The following PDE6B variants were observed in gnomAD, a reference collection of about 807,000 sequenced individuals.
The protein encoded by PDE6B is rod cGMP-specific 3',5'-cyclic phosphodiesterase subunit beta.
PDE6B carries 106 observed loss-of-function variants against 109.0 expected under a neutral mutation model. The ratio of observed to expected loss-of-function variants is 0.97; its 90% confidence interval spans 0.83 to 1.14. The LOEUF (loss-of-function observed/expected upper bound fraction) is 1.14, where lower values mean the gene tolerates loss of function less well. Among genes scored for constraint, PDE6B ranks in the 50% most tolerant of loss-of-function variants. PDE6B has a pLI of 0.00. For missense variants in PDE6B, 1,193 were observed against 1,155.6 expected (o/e 1.03, Z -0.47); for synonymous variants, 490 against 471.3 (o/e 1.04, Z -0.51).
rs1271929705 is a variant in PDE6B, at chr4:666,659, T to C, written c.2352+45T>C. 7.3e-7 allele frequency: 1 copy of C among 1,369,830 alleles called. No homozygotes were observed. Among genetic ancestry groups the C allele is most frequent in the Non-Finnish European group, 1.0e-6 (1 of 958,006 alleles). The allele number at this position is 1,369,830 out of a possible 1,614,324, so 84.9% of individuals were successfully genotyped here. On this transcript the variant is annotated intron_variant, in intron 20 of 21. Coordinates refer to ENST00000496514, the MANE Select transcript of PDE6B (RefSeq NM_000283.4). This position sits in a 1 kb window ranked among gnomAD's most constrained non-coding sequence, Gnocchi z 5.6. ...TCCGAGCTGACTGGGGCAGGGTGGCTGGGAGCAGGCAAGGGGGCGCGGGCT... is the reference window on the plus strand; with the variant it reads ...TCCGAGCTGACTGGGGCAGGGTGGCCGGGAGCAGGCAAGGGGGCGCGGGCT...
In PDE6B at chr4:626,674, G is replaced by T. The variant is rs760812648; in HGVS notation, c.468+580G>T. Among the ~76,000 whole-genome samples the T allele has an allele frequency of 1.2e-4, 19 of 152,220 alleles. No individual in the cohort carries two copies. Among genetic ancestry groups the T allele is most frequent in the Non-Finnish European group, 2.8e-4 (19 of 68,026 alleles). ...AACCTGGTAGCCACTGAGCACAGGG[G>T]TCCAGGGTGGGACTGGGGAGGGACA... On this transcript the variant is annotated intron_variant, in intron 1 of 21. Transcript: ENST00000496514. The surrounding 1 kb of genome is among the most constrained non-coding windows in gnomAD (Gnocchi z 4.6).
At chr4:630,102 C>T (rs1449867468) in intron 1 of PDE6B, among the ~76,000 whole-genome samples, 1 of 152,122 alleles carries the variant, frequency 6.6e-6, no homozygotes, top group Non-Finnish European at 1.5e-5. Context: ...CCAGAGGGCA[C>T]CAGAGAGGAG....
chr4:631,481 G>C (rs1177785460), intron 1 of PDE6B, among the ~76,000 whole-genome samples: 1 of 152,108 alleles, frequency 6.6e-6, no homozygotes, highest in Non-Finnish European at 1.5e-5. Context: ...GTGGATCCCT[G>C]TGGCGCTGTC....
intron 11 of PDE6B, among the ~76,000 whole-genome samples, chr4:659,639 C>CATGTGTGTGCACATGTGTGCCCACGAGT (rs1736816135): frequency 6.8e-6 from 1 of 147,720 alleles, no homozygotes; most frequent in Admixed American, 6.7e-5. Context: ...CATGTGTACA[C>CATGTGTGTGCACATGTGTGCCCACGAGT]ATGTGTGTGC....
At position 626,808 on chromosome 4, in the gene PDE6B, C is replaced by A. The variant is rs995791902; in HGVS notation, c.468+714C>A. Among the ~76,000 whole-genome samples the A allele has an allele frequency of 6.6e-6, 1 of 152,186 alleles. No homozygotes were observed. Among genetic ancestry groups the A allele is most frequent in the African/African-American group, 2.4e-5 (1 of 41,444 alleles). ...GACGCTTCCCGAGGACAGAGGCGGT[C>A]CTGGCGGGACTGGAGAACAAGAGGG... On this transcript the variant is annotated intron_variant, in intron 1 of 21. Coordinates refer to ENST00000496514, the MANE Select transcript of PDE6B (RefSeq NM_000283.4). The surrounding 1 kb of genome is among the most constrained non-coding windows in gnomAD (Gnocchi z 4.6).
In PDE6B at chr4:670,172, T is replaced by A. The variant is rs1011195490; in HGVS notation, c.*65T>A. On this transcript the variant is annotated 3_prime_UTR_variant, in exon 22 of 22. Coordinates refer to ENST00000496514, the MANE Select transcript of PDE6B (RefSeq NM_000283.4). ...CACCCACTAGGATTTGGGTTCTGCC[T>A]GTGGCTATTTGCTACAAGAGGTTAG... is the stretch of plus-strand genomic sequence containing the variant. 3.7e-6 allele frequency: 6 copies of A among 1,610,734 alleles called. No homozygotes were observed. The African/African-American group carries it at 8.0e-5, about 22-fold the overall frequency.
At chr4:654,953 C>T (rs1029467502) in intron 6 of PDE6B, 65 bp downstream of exon 6, 2 of 950,966 alleles carry the variant, frequency 2.1e-6, no homozygotes, top group Non-Finnish European at 3.5e-6. Context: ...CCCGGCTCAG[C>T]CCCCAGGGCC....
Position 653,279 on chromosome 4 carries a change from A to ACCAAGGAGGCAGAGAAAGGTGGC in PDE6B, c.712-563_712-541dup, listed in dbSNP as rs1248356533. 7 of 1,026,796 alleles carry ACCAAGGAGGCAGAGAAAGGTGGC rather than the reference A, an allele frequency of 6.8e-6. No homozygotes were observed. The African/African-American group carries it at 8.5e-5, about 13-fold the overall frequency. 63.6% of individuals were successfully genotyped at this position (1,026,796 alleles called of 1,614,324 possible). On this transcript the variant is annotated intron_variant, in intron 3 of 21. Coordinates refer to ENST00000496514, the MANE Select transcript of PDE6B (RefSeq NM_000283.4). ...TGGTGGGGCCTGGGTCTGGGCCTTG[A>ACCAAGGAGGCAGAGAAAGGTGGC]CCAAGGAGGCAGAGAAAGGTGGCCC...
chr4:628,392 C>T (rs111680451), intron 1 of PDE6B, among the ~76,000 whole-genome samples: 29 of 152,212 alleles, frequency 1.9e-4, no homozygotes, highest in African/African-American at 5.3e-4. Flanking sequence ...TCAGACGGGG[C>T]GTGGGTGGCC....
intron 8 of PDE6B, among the ~76,000 whole-genome samples, 186 bp downstream of exon 8, chr4:656,478 A>G (rs1046270759): frequency 6.6e-6 from 1 of 151,570 alleles, no homozygotes; most frequent in Non-Finnish European, 1.5e-5. Context: ...CTGTGACCAC[A>G]GCCCCCACAC....
At chr4:659,502 C>CGT (rs546241111) in intron 11 of PDE6B, among the ~76,000 whole-genome samples, 52 of 149,286 alleles carry the variant, frequency 3.5e-4, no homozygotes, top group African/African-American at 1.2e-3. Context: ...CAAGTGTGTA[C>CGT]GTGTGTGTGC....
rs1330937459 is a variant in PDE6B, at chr4:648,161, A to G, written c.712-5691A>G. ...CACCCCAGCCCTAAACCAGGCAACA[A>G]GTGAATTACCAACACCTAGGAAACT... is the stretch of plus-strand genomic sequence containing the variant. On this transcript the variant is annotated intron_variant, in intron 3 of 21. Coordinates refer to ENST00000496514, the MANE Select transcript of PDE6B (RefSeq NM_000283.4). The surrounding 1 kb of genome is among the most constrained non-coding windows in gnomAD (Gnocchi z 4.5). Among the ~76,000 whole-genome samples, 1 of 151,986 alleles carries G rather than the reference A, an allele frequency of 6.6e-6. No homozygotes were observed. The highest frequency in any genetic ancestry group is 2.4e-5 in the African/African-American group (1 of 41,270).
In PDE6B at chr4:663,545, A is replaced by C. The variant is rs1737385433; in HGVS notation, c.1921-225A>C. On this transcript the variant is annotated intron_variant, in intron 15 of 21. Transcript: ENST00000496514. This position sits in a 1 kb window ranked among gnomAD's most constrained non-coding sequence, Gnocchi z 4.0. ...CCCCTCCCTGCGCTCCCCGGTGGTGACCTCTGAGGCCATCTGCGTCCCAAG... is the reference window on the plus strand; with the variant it reads ...CCCCTCCCTGCGCTCCCCGGTGGTGCCCTCTGAGGCCATCTGCGTCCCAAG... 6.6e-6 allele frequency among the ~76,000 whole-genome samples: 1 copy of C among 151,818 alleles called. No individual in the cohort carries two copies. Among genetic ancestry groups the C allele is most frequent in the Non-Finnish European group, 1.5e-5 (1 of 67,924 alleles).
At position 656,280 on chromosome 4, in the gene PDE6B, G is replaced by A. The variant is rs756466841; in HGVS notation, c.1095G>A (p.Met365Ile). 1.9e-6 allele frequency: 3 copies of A among 1,587,856 alleles called. No homozygotes were observed. In the South Asian group the frequency reaches 3.3e-5, roughly 18 times the overall value. Residue 365 changes from methionine (M) to isoleucine (I), a missense_variant, in exon 8 of 22, where the codon ATG (methionine) becomes ATA (isoleucine). Coordinates refer to ENST00000496514, the MANE Select transcript of PDE6B (RefSeq NM_000283.4). ...CNIMNASADE[M>I]FKFQEGALDD... ...TCATGAATGCTTCCGCTGACGAAAT[G>A]TTCAAATTTCAGGTATCTGTCTGTG... is the stretch of plus-strand genomic sequence containing the variant.
chr4:667,236 C>T (rs970745666), intron 20 of PDE6B, among the ~76,000 whole-genome samples: 3 of 152,116 alleles, frequency 2.0e-5, no homozygotes, highest in East Asian at 1.9e-4. Context: ...ATGGAATCCA[C>T]GCCCCAAGGA....
rs1737401634 is a variant in PDE6B at position 663,650 on chromosome 4, C to T, written c.1921-120C>T. The T allele has an allele frequency of 1.3e-6, 1 of 749,848 alleles. No individual in the cohort carries two copies. The allele number at this position is 749,848 out of a possible 1,614,324, so 46.4% of individuals were successfully genotyped here. A position where few individuals can be genotyped will look rare whatever the true frequency, so the allele number is the denominator to read the frequency against. ...GCAGGCGGATTAGGGGTCCCGCCCACCGAGGGCCCGAGGGCGGGGGCGTGA... is the reference window on the plus strand; with the variant it reads ...GCAGGCGGATTAGGGGTCCCGCCCATCGAGGGCCCGAGGGCGGGGGCGTGA... On this transcript the variant is annotated intron_variant, in intron 15 of 21. Coordinates refer to ENST00000496514, the MANE Select transcript of PDE6B (RefSeq NM_000283.4). The surrounding 1 kb of genome is among the most constrained non-coding windows in gnomAD (Gnocchi z 4.0).
chr4:650,401 C>G (rs535853323), intron 3 of PDE6B, among the ~76,000 whole-genome samples: 66 of 152,252 alleles, frequency 4.3e-4, no homozygotes, highest in Non-Finnish European at 7.9e-4. Flanking sequence ...AGGTGCGAAG[C>G]CTCACAGCCT....
chr4:634,542 G>C, intron 1 of PDE6B, 135 bp from the exon 2 acceptor site: 1 of 807,408 alleles, frequency 1.2e-6, no homozygotes, highest in Non-Finnish European at 2.2e-6. Context: ...CCACATCCCA[G>C]TGCCCAGCAG....
chr4:647,347 G>A (rs1228071679), intron 3 of PDE6B, among the ~76,000 whole-genome samples: 1 of 152,042 alleles, frequency 6.6e-6, no homozygotes, highest in Non-Finnish European at 1.5e-5. Context: ...GGTCCATCTG[G>A]CCGGGAGCTG....
Sources: gnomAD v4.1 joint callset for allele counts (sites outside exome capture counted in the v4.1 genomes callset) on GRCh38, gnomAD v4.1.1 for gene constraint, Gnocchi (gnomAD v3.1) non-coding constraint, MANE v1.5 for transcripts, NCBI Gene and HGNC (gene_info 2026-07-23, HGNC 2026-07-21) for gene names.